CD83: variants seen among roughly 807,000 people sequenced by gnomAD.
The protein encoded by CD83 is CD83 antigen.
In CD83, 22 loss-of-function variants were observed where a neutral mutation model predicts 24.6. The ratio of observed to expected loss-of-function variants is 0.90; its 90% confidence interval spans 0.64 to 1.28. The LOEUF (loss-of-function observed/expected upper bound fraction) is 1.28. Among genes scored for constraint, CD83 ranks in the 50% most tolerant of loss-of-function variants. The pLI is 0.00. For missense variants in CD83, 253 were observed against 252.8 expected (o/e 1.00, Z -0.01); for synonymous variants, 101 against 103.5 (o/e 0.98, Z 0.14).
At chr6:14,117,601 G>A (rs1052694759), upstream of CD83, 3 of 195,700 alleles carry the variant, frequency 1.5e-5, no homozygotes, top group Admixed American at 2.4e-4. This position sits in a 1 kb window ranked among gnomAD's most constrained non-coding sequence, Gnocchi z 4.6. Flanking sequence ...CGGGGGCGGG[G>A]ACGGGGGCGG....
At chr6:14,118,203 C>T (rs561806359) in intron 2 of CD83, 138 bp downstream of exon 2, 4 of 604,862 alleles carry the variant, frequency 6.6e-6, no homozygotes, top group African/African-American at 3.8e-5. Context: ...ACTTGGAGTA[C>T]CCAGCCTCCC....
rs973193584 is a variant in CD83, at chr6:14,131,730, G to T, written c.364G>T (p.Val122Leu). 88 of 1,613,238 alleles carry T rather than the reference G, an allele frequency of 5.5e-5. No homozygotes were observed. Among genetic ancestry groups the T allele is most frequent in the Non-Finnish European group, 7.5e-5 (88 of 1,179,298 alleles). The change falls in exon 3 of 5, where the codon GTG becomes TTG. Residue 122 changes from valine to leucine, a missense_variant. Val to Leu is a conservative substitution (Grantham distance 32). Coordinates refer to ENST00000379153, the MANE Select transcript of CD83 (RefSeq NM_004233.4). ...PDGQRNLSGKVILRVTGCPAQ... is the reference protein window; with the variant it reads ...PDGQRNLSGKLILRVTGCPAQ... ...TGGGCAGAGAAACCTAAGTGGCAAG[G>T]TGATCTTGAGAGTGACAGGTGAGGT...
intron 2 of CD83, among the ~76,000 whole-genome samples, chr6:14,120,316 T>C (rs1279823013): frequency 6.6e-6 from 1 of 152,200 alleles, no homozygotes; most frequent in Non-Finnish European, 1.5e-5. Flanking sequence ...ACTTTTTCAT[T>C]GATTATGCTT....
intron 2 of CD83, among the ~76,000 whole-genome samples, chr6:14,126,519 T>G: frequency 6.6e-6 from 1 of 152,230 alleles, no homozygotes; most frequent in East Asian, 1.9e-4. Flanking sequence ...TGCCAATGCC[T>G]GTGCTCTTAA....
chr6:14,132,207 A>G (rs1757927243), intron 3 of CD83, among the ~76,000 whole-genome samples: 1 of 152,154 alleles, frequency 6.6e-6, no homozygotes, highest in South Asian at 2.1e-4. Context: ...CCTGGTACTT[A>G]GTACAACTGG....
intron 2 of CD83, among the ~76,000 whole-genome samples, chr6:14,127,122 G>A (rs547445156): frequency 1.3e-5 from 2 of 152,074 alleles, no homozygotes; most frequent in East Asian, 3.9e-4. Context: ...CCAAGTAGCT[G>A]GAATTACAGA....
chr6:14,124,138 G>A (rs1759734122), intron 2 of CD83, among the ~76,000 whole-genome samples: 2 of 152,158 alleles, frequency 1.3e-5, no homozygotes, highest in Admixed American at 1.3e-4. Context: ...TTTGCACTGA[G>A]GTGTATTTGG....
At chr6:14,134,989 G>C (rs1350533454) in intron 4 of CD83, 119 bp from the exon 5 acceptor site, 1 of 929,134 alleles carries the variant, frequency 1.1e-6, no homozygotes, top group Middle Eastern at 2.7e-4. Flanking sequence ...GAGGCAGTGA[G>C]TATGAGAGCT....
At position 14,135,101 on chromosome 6, in the gene CD83, T is replaced by G; in HGVS notation, c.490-7T>G. The G allele has an allele frequency of 6.2e-7, 1 of 1,612,816 alleles. No individual in the cohort carries two copies. The highest frequency in any genetic ancestry group is 8.5e-7 in the Non-Finnish European group (1 of 1,179,544). On this transcript the variant is annotated splice_polypyrimidine_tract_variant and splice_region_variant and intron_variant, in intron 4 of 4. Transcript: ENST00000379153. The stretch of plus-strand genomic sequence containing the variant: ...ATTCACTTCACATTTCTTTCATTTC[T>G]TTTTAGAAGTTTGCACGGCTACAGA...
intron 2 of CD83, among the ~76,000 whole-genome samples, chr6:14,118,439 T>C (rs1759595451): frequency 6.6e-6 from 1 of 152,170 alleles, no homozygotes; most frequent in Admixed American, 6.5e-5. Context: ...ATTTGGGCAT[T>C]GGACAGGGGG....
intron 2 of CD83, among the ~76,000 whole-genome samples, chr6:14,120,276 A>T (rs1386112912): frequency 6.6e-6 from 1 of 152,162 alleles, no homozygotes; most frequent in East Asian, 1.9e-4. Context: ...TGTTCTGTAG[A>T]TACTTATTAT....
In CD83 at chr6:14,126,539, C is replaced by T. The variant is rs1287739513; in HGVS notation, c.154-4981C>T. 2.0e-5 allele frequency among the ~76,000 whole-genome samples: 3 copies of T among 152,162 alleles called. No homozygotes were observed. In the East Asian group the frequency reaches 5.8e-4, roughly 29 times the overall value. On this transcript the variant is annotated intron_variant, in intron 2 of 4. Coordinates refer to ENST00000379153, the MANE Select transcript of CD83 (RefSeq NM_004233.4). ...ATGCCTGTGCTCTTAATTATGTTGC[C>T]TCTGCTATACTCATAACTCTGTTAA...
At chr6:14,119,130 T>C (rs778949740) in intron 2 of CD83, among the ~76,000 whole-genome samples, 4 of 152,248 alleles carry the variant, frequency 2.6e-5, no homozygotes, top group Non-Finnish European at 5.9e-5. Context: ...TGGGGGGCAG[T>C]GGCTGTATCC....
At chr6:14,118,227 C>A (rs528793493) in intron 2 of CD83, among the ~76,000 whole-genome samples, 162 bp downstream of exon 2, 3 of 152,212 alleles carry the variant, frequency 2.0e-5, no homozygotes, top group Admixed American at 1.3e-4. Flanking sequence ...GCGCCTCCCC[C>A]ACCCCATCCG....
chr6:14,135,254 T>A lies in CD83; in HGVS notation c.*18T>A. The A allele has an allele frequency of 6.2e-7, 1 of 1,612,286 alleles. No individual in the cohort carries two copies. The highest frequency in any genetic ancestry group is 1.1e-5 in the South Asian group (1 of 91,026). On this transcript the variant is annotated 3_prime_UTR_variant, in exon 5 of 5. Transcript: ENST00000379153. ...TGGTATGAGCAGGATTTCTGCAGGTTCTTCTTCCTGAAGCTGAGGCTCAGG... is the reference window on the plus strand; with the variant it reads ...TGGTATGAGCAGGATTTCTGCAGGTACTTCTTCCTGAAGCTGAGGCTCAGG...
At chr6:14,125,809 ATG>A (rs1189204340) in intron 2 of CD83, among the ~76,000 whole-genome samples, 9 of 152,152 alleles carry the variant, frequency 5.9e-5, no homozygotes, top group African/African-American at 2.2e-4. Flanking sequence ...AAAATACAGA[ATG>A]TTGTGGATAT....
chr6:14,119,983 G>A (rs1032087374), intron 2 of CD83, among the ~76,000 whole-genome samples: 1 of 152,188 alleles, frequency 6.6e-6, no homozygotes. Flanking sequence ...ACTCGGTAAC[G>A]CATGAGCTTG....
At chr6:14,127,525 G>C (rs1469681638) in intron 2 of CD83, among the ~76,000 whole-genome samples, 1 of 149,482 alleles carries the variant, frequency 6.7e-6, no homozygotes, top group Non-Finnish European at 1.5e-5. Flanking sequence ...TATGTCTTTT[G>C]TTTTAGTTCA....
At chr6:14,126,012 T>C (rs1759800419) in intron 2 of CD83, among the ~76,000 whole-genome samples, 1 of 152,166 alleles carries the variant, frequency 6.6e-6, no homozygotes, top group South Asian at 2.1e-4. Flanking sequence ...AGCACTTTTC[T>C]TGTTTTCTCA....
Sources: allele counts gnomAD v4.1 joint callset (sites outside exome capture counted in the v4.1 genomes callset), GRCh38; gene constraint gnomAD v4.1.1; non-coding constraint Gnocchi (gnomAD v3.1); transcripts MANE v1.5; gene names NCBI Gene and HGNC (gene_info 2026-07-23, HGNC 2026-07-21).